The following FCN1 variants were observed in gnomAD, a reference collection of about 807,000 sequenced individuals.
FCN1 encodes ficolin 1.
FCN1 carries 42 observed loss-of-function variants against 35.6 expected under a neutral mutation model. That is an observed-to-expected ratio of 1.18 (90% CI 0.92 to 1.53). The LOEUF (loss-of-function observed/expected upper bound fraction) is 1.53, where lower values mean the gene tolerates loss of function less well. Among genes scored for constraint, FCN1 ranks in the 40% most tolerant of loss-of-function variants. FCN1 has a pLI of 0.00. For missense variants in FCN1, 439 were observed against 428.4 expected, an observed-to-expected ratio of 1.02 and a Z score of -0.22; for synonymous variants, 179 against 169.8, an observed-to-expected ratio of 1.05 and a Z score of -0.42.
intron 5 of FCN1, 81 bp from the exon 6 acceptor site, chr9:134,913,224 A>T: frequency 6.4e-7 from 1 of 1,563,086 alleles, no homozygotes; most frequent in Non-Finnish European, 8.7e-7. Flanking sequence ...CCCAGGAGGG[A>T]GGAGGAGGGC....
chr9:134,905,921 TTCTCCC>T lies in FCN1; in HGVS notation c.*3871_*3876del, dbSNP rs59989375. On this transcript the variant is annotated 3_prime_UTR_variant, in exon 9 of 9. Transcript: ENST00000371806. ...CTTCTTCTTCTTCTTCTTCTTCTTC[TTCTCCC>T]TCTCCCTCTCCCTCTCCCTCTCCCT... The T allele has an allele frequency of 2.8e-4, 19 of 69,016 alleles. No homozygotes were observed. The highest frequency in any genetic ancestry group is 5.8e-4 in the East Asian group (2 of 3,452). 4.3% of individuals were successfully genotyped at this position (69,016 alleles called of 1,614,324 possible). A position where few individuals can be genotyped will look rare whatever the true frequency, so the allele number is the denominator to read the frequency against.
Position 134,905,793 on chromosome 9 carries a change from G to GCTGCTTCTTCTT in FCN1, c.*4004_*4005insAAGAAGAAGCAG. The GCTGCTTCTTCTT allele has an allele frequency of 1.0e-5, 1 of 96,304 alleles. No homozygotes were observed. The highest frequency in any genetic ancestry group is 8.6e-5 in the Admixed American group (1 of 11,596). The allele number at this position is 96,304 out of a possible 1,614,324, so 6.0% of individuals were successfully genotyped here. A position where few individuals can be genotyped will look rare whatever the true frequency, so the allele number is the denominator to read the frequency against. ...GCCACCGCGCCTGGCCGCTGCTGCT[G>GCTGCTTCTTCTT]CTTCTTCTTCTTCTTCCTCTTCTTC... On this transcript the variant is annotated 3_prime_UTR_variant, in exon 9 of 9. Transcript: ENST00000371806.
Position 134,909,689 on chromosome 9 carries a change from G to A in FCN1, c.*109C>T. ...AGCTGGGGGCAAAGGGGCAGCTGTG[G>A]GCGTCATGGGAGTGTGTCTGGCTGG... On this transcript the variant is annotated 3_prime_UTR_variant, in exon 9 of 9. Transcript: ENST00000371806. 2 of 1,595,710 alleles carry A rather than the reference G, an allele frequency of 1.3e-6. No homozygotes were observed. The highest frequency in any genetic ancestry group is 1.7e-6 in the Non-Finnish European group (2 of 1,177,602).
Position 134,913,107 on chromosome 9 carries a change from T to C in FCN1, c.377A>G (p.Tyr126Cys). 6.2e-7 allele frequency: 1 copy of C among 1,613,826 alleles called. No individual in the cohort carries two copies. Among genetic ancestry groups the C allele is most frequent in the South Asian group, 1.1e-5 (1 of 91,042 alleles). ...RNCKDLLDRG[Y>C]FLSGWHTIYL... The stretch of plus-strand genomic sequence containing the variant: ...GATGGTGTGCCAGCCGCTCAGGAAA[T>C]ACCCCCGGTCTAGCAGGTCCTTGCA... Residue 126 changes from tyrosine (Y) to cysteine (C), a missense_variant, in exon 6 of 9, where the codon TAT becomes TGT. Physicochemically the swap from Tyr to Cys is radical, Grantham distance 194. Coordinates refer to ENST00000371806, the MANE Select transcript of FCN1 (RefSeq NM_002003.5).
At chr9:134,911,896 G>A (rs779727457) in intron 7 of FCN1, among the ~76,000 whole-genome samples, 4 of 152,244 alleles carry the variant, frequency 2.6e-5, no homozygotes, top group African/African-American at 7.2e-5. Context: ...TAACACAGCA[G>A]TGGGCGAAGC....
At chr9:134,914,300 G>T in intron 4 of FCN1, 85 bp downstream of exon 4, 3 of 1,177,134 alleles carry the variant, frequency 2.5e-6, no homozygotes, top group East Asian at 2.3e-5. Context: ...GGACGTGGGC[G>T]GTGGGCAGGC....
rs200663920 is a variant in FCN1 at position 134,913,115 on chromosome 9, G to T, written c.369C>A (p.Asp123Glu). Residue 123 changes from aspartate (D) to glutamate (E), a missense_variant, in exon 6 of 9, where the codon GAC (aspartate) becomes GAA (glutamate). By Grantham distance (45) the Asp-to-Glu change is conservative (BLOSUM62 2). Transcript: ENST00000371806. ...GCCAGCCGCTCAGGAAATACCCCCGGTCTAGCAGGTCCTTGCAGTTGCGTG... is the reference window on the plus strand; with the variant it reads ...GCCAGCCGCTCAGGAAATACCCCCGTTCTAGCAGGTCCTTGCAGTTGCGTG... Reference protein sequence around the residue: ...TGPRNCKDLLDRGYFLSGWHT... With the variant: ...TGPRNCKDLLERGYFLSGWHT... 6.2e-7 allele frequency: 1 copy of T among 1,613,822 alleles called. No homozygotes were observed. The highest frequency in any genetic ancestry group is 1.3e-5 in the African/African-American group (1 of 74,924).
Position 134,916,222 on chromosome 9 carries a change from G to C in FCN1, c.217+126C>G, listed in dbSNP as rs1000471152. ...CAGCTCTGTTCCTGGCTCTAGCAGG[G>C]GCCTGACCCAGGCTCTTGATCTAGG... On this transcript the variant is annotated intron_variant, in intron 2 of 8. Coordinates refer to ENST00000371806, the MANE Select transcript of FCN1 (RefSeq NM_002003.5). 17 of 762,076 alleles carry C rather than the reference G, an allele frequency of 2.2e-5. No homozygotes were observed. The African/African-American group carries it at 2.4e-4, about 11-fold the overall frequency. 47.2% of individuals were successfully genotyped at this position (762,076 alleles called of 1,614,324 possible). A position where few individuals can be genotyped will look rare whatever the true frequency, so the allele number is the denominator to read the frequency against.
chr9:134,909,892 G>T lies in FCN1; in HGVS notation c.887C>A (p.Pro296His), dbSNP rs1048923998. ...SNLNGLYLMGPHESYANGINW... is the reference protein window; with the variant it reads ...SNLNGLYLMGHHESYANGINW... Reference sequence around the variant, plus strand: ...GATACCATTGGCATAGCTCTCATGGGGTCCCATGAGGTAGAGACCATTGAG... The same window carrying T: ...GATACCATTGGCATAGCTCTCATGGTGTCCCATGAGGTAGAGACCATTGAG... Residue 296 changes from proline to histidine, a missense_variant, in exon 9 of 9, where the codon CCC becomes CAC. Pro to His is a moderately conservative substitution (Grantham distance 77, BLOSUM62 -2). Transcript: ENST00000371806. 3.7e-6 allele frequency: 6 copies of T among 1,614,098 alleles called. No homozygotes were observed. Among genetic ancestry groups the T allele is most frequent in the Non-Finnish European group, 4.2e-6 (5 of 1,180,024 alleles).
chr9:134,909,743 G>T lies in FCN1; in HGVS notation c.*55C>A. 8 of 1,604,524 alleles carry T rather than the reference G, an allele frequency of 5.0e-6. No individual in the cohort carries two copies. The highest frequency in any genetic ancestry group is 6.8e-6 in the Non-Finnish European group (8 of 1,179,260). The stretch of plus-strand genomic sequence containing the variant: ...AATGGGGTGACTTCCACGACGCAGC[G>T]CTTGTGGGTGTGGCCTCCCCACTAG... On this transcript the variant is annotated 3_prime_UTR_variant, in exon 9 of 9. Transcript: ENST00000371806.
Position 134,909,377 on chromosome 9 carries a change from T to A in FCN1, c.*421A>T, listed in dbSNP as rs1830992191. ...GATGGGGGAGGCTTGGGGGTGGAGG[T>A]GAGGATCGCCCTGTGTCAATTACTG... On this transcript the variant is annotated 3_prime_UTR_variant, in exon 9 of 9. Coordinates refer to ENST00000371806, the MANE Select transcript of FCN1 (RefSeq NM_002003.5). 2 of 1,289,236 alleles carry A rather than the reference T, an allele frequency of 1.6e-6. No homozygotes were observed. Among genetic ancestry groups the A allele is most frequent in the South Asian group, 2.5e-5 (2 of 80,992 alleles). 79.9% of individuals were successfully genotyped at this position (1,289,236 alleles called of 1,614,324 possible).
rs1230550331 is a variant in FCN1 at position 134,909,272 on chromosome 9, C to A, written c.*526G>T. ...GCAGAAAAGTTCCTACTAAACTTTC[C>A]CCCTTTTTAGTAAGTGTTTTCTGGA... On this transcript the variant is annotated 3_prime_UTR_variant, in exon 9 of 9. Transcript: ENST00000371806. 1 of 1,289,640 alleles carries A rather than the reference C, an allele frequency of 7.8e-7. No homozygotes were observed. Among genetic ancestry groups the A allele is most frequent in the Admixed American group, 2.3e-5 (1 of 43,546 alleles). The allele number at this position is 1,289,640 out of a possible 1,614,324, so 79.9% of individuals were successfully genotyped here. A position where few individuals can be genotyped will look rare whatever the true frequency, so the allele number is the denominator to read the frequency against.
Position 134,903,621 on chromosome 9 carries a change from CT to C in FCN1, c.*6176del, listed in dbSNP as rs1830910017. ...AAAAAATCTGACTTAAAAAAAAATC[CT>C]CTCTGCCTTCCTGAATACTATGTCT... On this transcript the variant is annotated 3_prime_UTR_variant, in exon 9 of 9. Coordinates refer to ENST00000371806, the MANE Select transcript of FCN1 (RefSeq NM_002003.5). Among the ~76,000 whole-genome samples, 14 of 152,076 alleles carry C rather than the reference CT, an allele frequency of 9.2e-5. No homozygotes were observed. Among genetic ancestry groups the C allele is most frequent in the Admixed American group, 9.2e-4 (14 of 15,262 alleles).
At chr9:134,914,663 G>A (rs145786367) in intron 3 of FCN1, 93 bp downstream of exon 3, 28 of 962,128 alleles carry the variant, frequency 2.9e-5, no homozygotes. Flanking sequence ...GTCTGTGTCT[G>A]TGTCTCTGTC....
chr9:134,905,226 G>A lies in FCN1; in HGVS notation c.*4572C>T, dbSNP rs776790721. 3.0e-4 allele frequency among the ~76,000 whole-genome samples: 45 copies of A among 152,322 alleles called. No individual in the cohort carries two copies. The highest frequency in any genetic ancestry group is 6.2e-4 in the South Asian group (3 of 4,828). ...AACAAAGACGAGAGAAGATGAGGAA[G>A]GAGAGGAAAAGAACAGAAACAACAC... On this transcript the variant is annotated 3_prime_UTR_variant, in exon 9 of 9. Coordinates refer to ENST00000371806, the MANE Select transcript of FCN1 (RefSeq NM_002003.5).
Position 134,908,734 on chromosome 9 carries a change from C to T in FCN1, c.*1064G>A. 6.2e-6 allele frequency: 1 copy of T among 161,464 alleles called. No individual in the cohort carries two copies. The highest frequency in any genetic ancestry group is 1.4e-5 in the Non-Finnish European group (1 of 73,622). 10.0% of individuals were successfully genotyped at this position (161,464 alleles called of 1,614,324 possible). On this transcript the variant is annotated 3_prime_UTR_variant, in exon 9 of 9. Transcript: ENST00000371806. ...CCCCTAGAACCCTGGAAGGAGCCAC[C>T]ACTGCTGAGTCCTGCCTGCTGGCCC...
At chr9:134,913,417 A>G (rs566134110) in intron 5 of FCN1, among the ~76,000 whole-genome samples, 164 bp downstream of exon 5, 1 of 152,322 alleles carries the variant, frequency 6.6e-6, no homozygotes, top group African/African-American at 2.4e-5. Context: ...CCAGGTTGTC[A>G]TGGAAGGGAT....
intron 8 of FCN1, among the ~76,000 whole-genome samples, chr9:134,910,398 G>T (rs1022799302): frequency 1.3e-5 from 2 of 152,112 alleles, no homozygotes; most frequent in African/African-American, 4.8e-5. Context: ...GGTGGCCCTT[G>T]GTAGGTTCAG....
intron 4 of FCN1, 145 bp downstream of exon 4, chr9:134,914,240 A>C (rs1183325619): frequency 7.8e-6 from 6 of 766,992 alleles, no homozygotes; most frequent in African/African-American, 1.7e-5. Context: ...CTGACAACAA[A>C]GCCCGCTGGA....
Sources: gnomAD v4.1 joint callset for allele counts (sites outside exome capture counted in the v4.1 genomes callset) on GRCh38, gnomAD v4.1.1 for gene constraint, MANE v1.5 for transcripts, NCBI Gene and HGNC (gene_info 2026-07-23, HGNC 2026-07-21) for gene names.